MAGI1: variants seen among roughly 807,000 people sequenced by gnomAD.
MAGI1 encodes the protein membrane associated guanylate kinase, WW and PDZ domain containing 1.
A neutral mutation model predicts 139.9 loss-of-function variants in MAGI1; 58 were observed. The ratio of observed to expected loss-of-function variants is 0.41; its 90% confidence interval spans 0.34 to 0.52. MAGI1 has a LOEUF of 0.52. Among genes scored for constraint, MAGI1 ranks in the 20% least tolerant of loss-of-function variants. MAGI1 has a pLI of 0.12. For synonymous variants in MAGI1, 812 were observed against 737.9 expected (o/e 1.10, Z -1.63); for missense variants, 1,874 against 1,901.6 (o/e 0.99, Z 0.27).
chr3:65,493,482 GC>G (rs747639059), intron 3 of MAGI1, 29 bp downstream of exon 3: 1 of 1,613,968 alleles, frequency 6.2e-7, no homozygotes, highest in South Asian at 1.1e-5. Context: ...CAGGAGAGAA[GC>G]TTTTTATGCT....
At chr3:65,694,066 C>G (rs1019434992) in intron 1 of MAGI1, among the ~76,000 whole-genome samples, 1 of 152,070 alleles carries the variant, frequency 6.6e-6, no homozygotes, top group Non-Finnish European at 1.5e-5. Flanking sequence ...GTAAAATATA[C>G]AGACAGGTTA....
intron 5 of MAGI1, among the ~76,000 whole-genome samples, chr3:65,460,734 T>C (rs923000859): frequency 2.0e-5 from 3 of 152,092 alleles, no homozygotes; most frequent in African/African-American, 7.2e-5. Flanking sequence ...GTGTGTGATG[T>C]TCCCCTCCCT....
chr3:65,412,214 C>A (rs1945850470), intron 12 of MAGI1, among the ~76,000 whole-genome samples: 1 of 152,166 alleles, frequency 6.6e-6, no homozygotes, highest in Non-Finnish European at 1.5e-5. Context: ...TGCCTCCTTG[C>A]AATTCTCTGG....
intron 1 of MAGI1, among the ~76,000 whole-genome samples, chr3:65,940,320 T>A (rs759114222): frequency 2.0e-5 from 3 of 152,238 alleles, no homozygotes; most frequent in Non-Finnish European, 4.4e-5. Context: ...TATCATAGAC[T>A]GAGTCACTTA....
intron 1 of MAGI1, among the ~76,000 whole-genome samples, chr3:65,949,320 A>G (rs1044034378): frequency 9.9e-5 from 15 of 152,198 alleles, no homozygotes; most frequent in Admixed American, 7.9e-4. Flanking sequence ...TTAAAGGTCA[A>G]TTGCTATTTC....
intron 1 of MAGI1, among the ~76,000 whole-genome samples, chr3:65,932,865 T>C (rs1472279257): frequency 6.6e-6 from 1 of 152,208 alleles, no homozygotes; most frequent in Non-Finnish European, 1.5e-5. Context: ...AGGCTATTAC[T>C]TGCAACCAAA....
At chr3:65,404,328 T>C (rs917684337) in intron 12 of MAGI1, among the ~76,000 whole-genome samples, 1 of 152,216 alleles carries the variant, frequency 6.6e-6, no homozygotes, top group African/African-American at 2.4e-5. Flanking sequence ...GAGGTCTGTT[T>C]CCTCTGAGGA....
intron 1 of MAGI1, among the ~76,000 whole-genome samples, chr3:65,978,724 G>T (rs1188417810): frequency 6.6e-6 from 1 of 151,386 alleles, no homozygotes; most frequent in African/African-American, 2.4e-5. Flanking sequence ...CGCCTCCCAG[G>T]TTCAAGCAAT....
chr3:65,692,043 A>G (rs1394557554), intron 1 of MAGI1, among the ~76,000 whole-genome samples: 3 of 152,310 alleles, frequency 2.0e-5, no homozygotes, highest in Admixed American at 2.0e-4. Context: ...TTTGTGATTG[A>G]ATTACATGAC....
intron 1 of MAGI1, among the ~76,000 whole-genome samples, chr3:65,627,642 G>A (rs534233576): frequency 6.6e-6 from 1 of 151,220 alleles, no homozygotes; most frequent in East Asian, 2.0e-4. Flanking sequence ...CGAGCAGCTG[G>A]GACTACAGGT....
intron 12 of MAGI1, chr3:65,402,018 CA>C: frequency 2.3e-6 from 1 of 441,502 alleles, no homozygotes; most frequent in Non-Finnish European, 3.0e-6. Flanking sequence ...AATACCAAAA[CA>C]AAGACGGATG....
intron 1 of MAGI1, among the ~76,000 whole-genome samples, chr3:65,757,068 G>A (rs999938682): frequency 7.1e-5 from 10 of 140,304 alleles, no homozygotes; most frequent in African/African-American, 1.9e-4. Context: ...CCTCCTTGCC[G>A]GGAGGTTTAT....
intron 1 of MAGI1, among the ~76,000 whole-genome samples, chr3:65,926,685 T>C (rs1354875318): frequency 1.3e-5 from 2 of 152,036 alleles, no homozygotes; most frequent in Non-Finnish European, 1.5e-5. Flanking sequence ...CATGGCAACA[T>C]CAGAAAGCCT....
At chr3:65,909,267 G>A (rs1458515803) in intron 1 of MAGI1, among the ~76,000 whole-genome samples, 1 of 151,858 alleles carries the variant, frequency 6.6e-6, no homozygotes, top group African/African-American at 2.4e-5. Flanking sequence ...GCTCATGCCT[G>A]TAATCTCAAC....
At chr3:65,507,521 C>T (rs929746825) in intron 2 of MAGI1, among the ~76,000 whole-genome samples, 18 of 152,200 alleles carry the variant, frequency 1.2e-4, no homozygotes, top group African/African-American at 4.3e-4. Flanking sequence ...TCGTAACATG[C>T]TTATGTTTTC....
At chr3:65,989,158 C>T (rs1186842188) in intron 1 of MAGI1, among the ~76,000 whole-genome samples, 1 of 152,090 alleles carries the variant, frequency 6.6e-6, no homozygotes, top group East Asian at 1.9e-4. Context: ...ACTGTCACTG[C>T]CTTTATATAA....
At chr3:65,662,407 A>G (rs1325121593) in intron 1 of MAGI1, among the ~76,000 whole-genome samples, 3 of 152,214 alleles carry the variant, frequency 2.0e-5, no homozygotes, top group Admixed American at 6.5e-5. Context: ...TGTAGCAACT[A>G]CTTGATTCTG....
At chr3:65,861,043 C>A (rs2059539089) in intron 1 of MAGI1, among the ~76,000 whole-genome samples, 1 of 152,138 alleles carries the variant, frequency 6.6e-6, no homozygotes, top group African/African-American at 2.4e-5. Context: ...TCAGCAGCAT[C>A]TCCATGGATG....
At chr3:65,735,662 T>C (rs2034661015) in intron 1 of MAGI1, among the ~76,000 whole-genome samples, 1 of 152,022 alleles carries the variant, frequency 6.6e-6, no homozygotes, top group African/African-American at 2.4e-5. Flanking sequence ...CAGCAGCACC[T>C]CAGTTATCAT....
Sources: allele counts gnomAD v4.1 joint callset (sites outside exome capture counted in the v4.1 genomes callset), GRCh38; gene constraint gnomAD v4.1.1; transcripts MANE v1.5; gene names NCBI Gene and HGNC (gene_info 2026-07-23, HGNC 2026-07-21).